Variants in CUL3 observed in about 807,000 individuals in gnomAD.
CUL3 encodes the protein cullin-3.
In CUL3, 19 loss-of-function variants were observed where a neutral mutation model predicts 89.1. The ratio of observed to expected loss-of-function variants is 0.21; its 90% confidence interval spans 0.15 to 0.31. The LOEUF is 0.31. Ranked by LOEUF, CUL3 falls within the 10% of genes least tolerant of loss-of-function variation. CUL3 has a pLI of 1.00. For missense variants in CUL3, 469 were observed against 942.3 expected (o/e 0.50, Z 6.58); for synonymous variants, 351 against 308.4 (o/e 1.14, Z -1.45).
intron 8 of CUL3, among the ~76,000 whole-genome samples, chr2:224,505,082 CCTAA>C (rs987684412): frequency 7.2e-5 from 11 of 151,742 alleles, no homozygotes; most frequent in Non-Finnish European, 1.0e-4. Context: ...CTTCAGCATG[CCTAA>C]CTCTCAGTCA....
chr2:224,563,000 T>C (rs949563095), intron 1 of CUL3: 3 of 218,300 alleles, frequency 1.4e-5, no homozygotes, highest in African/African-American at 7.1e-5. Context: ...GTCAGTAGAT[T>C]TAACACAGCC....
chr2:224,525,847 G>A (rs932210033), intron 3 of CUL3, among the ~76,000 whole-genome samples: 5 of 152,148 alleles, frequency 3.3e-5, no homozygotes, highest in Non-Finnish European at 7.4e-5. Context: ...ACATCTAGCT[G>A]TTCACTTTCA....
chr2:224,555,633 T>C (rs573751127), intron 2 of CUL3, among the ~76,000 whole-genome samples: 32 of 152,302 alleles, frequency 2.1e-4, no homozygotes, highest in Admixed American at 4.6e-4. Flanking sequence ...CCTGTAATTA[T>C]TATATGCCTC....
In CUL3 at chr2:224,478,136, A is replaced by G. The variant is rs563055963; in HGVS notation, c.2175+64T>C. The G allele has an allele frequency of 5.5e-6, 8 of 1,457,128 alleles. No homozygotes were observed. In the African/African-American group the frequency reaches 5.7e-5, roughly 10 times the overall value. The allele number at this position is 1,457,128 out of a possible 1,614,324, so 90.3% of individuals were successfully genotyped here. On this transcript the variant is annotated intron_variant, in intron 15 of 15. Coordinates refer to ENST00000264414, the MANE Select transcript of CUL3 (RefSeq NM_003590.5). Reference sequence around the variant, plus strand: ...AAATTGTTTTTAAAATTAGTTGAATACAATAATTTTGTTAATAATGTTACT... The same window carrying G: ...AAATTGTTTTTAAAATTAGTTGAATGCAATAATTTTGTTAATAATGTTACT...
At chr2:224,559,452 CAAAA>C (rs34898102) in intron 1 of CUL3, among the ~76,000 whole-genome samples, 1 of 67,500 alleles carries the variant, frequency 1.5e-5, no homozygotes. Context: ...GATTGTGTCT[CAAAA>C]AAAAAAAAAA....
At chr2:224,523,511 T>C (rs1449379798) in intron 3 of CUL3, among the ~76,000 whole-genome samples, 1 of 152,150 alleles carries the variant, frequency 6.6e-6, no homozygotes, top group Non-Finnish European at 1.5e-5. Flanking sequence ...AATATAGCAG[T>C]TCCTCAAAAA....
intron 1 of CUL3, chr2:224,563,130 T>C (rs373881117): frequency 1.5e-5 from 6 of 397,380 alleles, no homozygotes; most frequent in African/African-American, 1.3e-4. Flanking sequence ...TTTTCAAGCT[T>C]AGCAAATATA....
At chr2:224,573,090 G>A (rs1217956704) in intron 1 of CUL3, among the ~76,000 whole-genome samples, 1 of 152,108 alleles carries the variant, frequency 6.6e-6, no homozygotes, top group Non-Finnish European at 1.5e-5. Flanking sequence ...TTTCTTTCAT[G>A]TTGCATTTGC....
intron 10 of CUL3, 125 bp from the exon 11 acceptor site, chr2:224,500,612 A>G: frequency 1.1e-6 from 1 of 894,904 alleles, no homozygotes; most frequent in Non-Finnish European, 1.6e-6. Context: ...TTTAAAAAAA[A>G]GCAGATTTTC....
chr2:224,572,481 A>G (rs1363192643), intron 1 of CUL3, among the ~76,000 whole-genome samples: 1 of 133,862 alleles, frequency 7.5e-6, no homozygotes, highest in Non-Finnish European at 1.6e-5. Context: ...CCTGTCTCTT[A>G]AAAAAAAAAA....
intron 8 of CUL3, 38 bp from the exon 9 acceptor site, chr2:224,503,860 A>G (rs1692489748): frequency 6.9e-7 from 1 of 1,458,614 alleles, no homozygotes; most frequent in Non-Finnish European, 9.1e-7. Context: ...ATACAATTTT[A>G]GTTCTACAAA....
chr2:224,524,476 A>G (rs1012752326), intron 3 of CUL3, among the ~76,000 whole-genome samples: 2 of 152,230 alleles, frequency 1.3e-5, no homozygotes, highest in South Asian at 2.1e-4. Flanking sequence ...CTGAAGAGAC[A>G]ACTGTTAGAA....
At chr2:224,584,886 G>C (rs530066184) in intron 1 of CUL3, 58 bp downstream of exon 1, 25 of 1,340,832 alleles carry the variant, frequency 1.9e-5, no homozygotes, top group Non-Finnish European at 2.5e-5. Flanking sequence ...CGGGCCTCGC[G>C]TGCGGCTCTC....
intron 2 of CUL3, among the ~76,000 whole-genome samples, chr2:224,555,998 G>A (rs1199995953): frequency 6.6e-6 from 1 of 152,108 alleles, no homozygotes; most frequent in South Asian, 2.1e-4. Flanking sequence ...ACTGAAAGCT[G>A]TGCATAATAG....
rs958837720 is a variant in CUL3 at position 224,472,645 on chromosome 2, A to G, written c.*1600T>C. 1.1e-5 allele frequency: 2 copies of G among 190,448 alleles called. No individual in the cohort carries two copies. The highest frequency in any genetic ancestry group is 4.7e-5 in the African/African-American group (2 of 42,912). The allele number at this position is 190,448 out of a possible 1,614,324, so 11.8% of individuals were successfully genotyped here. A position where few individuals can be genotyped will look rare whatever the true frequency, so the allele number is the denominator to read the frequency against. On this transcript the variant is annotated 3_prime_UTR_variant, in exon 16 of 16. Transcript: ENST00000264414. ...TGTAGAAGTGGAAAATGTAGAGATA[A>G]AGAGCACAAGGCTTGTAATTCTACA...
intron 2 of CUL3, among the ~76,000 whole-genome samples, chr2:224,550,841 CTAACT>C: frequency 6.6e-6 from 1 of 152,272 alleles, no homozygotes; most frequent in East Asian, 1.9e-4. Context: ...CTTATGCTCT[CTAACT>C]TATTTATCTT....
chr2:224,511,623 A>AAAGAGTG, intron 5 of CUL3, 41 bp from the exon 6 acceptor site: 1 of 1,206,126 alleles, frequency 8.3e-7, no homozygotes. Flanking sequence ...ACATAGAAGA[A>AAAGAGTG]AAGAGTGTTT....
intron 10 of CUL3, 110 bp from the exon 11 acceptor site, chr2:224,500,597 T>A: frequency 5.7e-6 from 5 of 879,512 alleles, no homozygotes; most frequent in East Asian, 2.9e-5. Flanking sequence ...ATGTCTAATA[T>A]CTAATTTAAA....
intron 12 of CUL3, among the ~76,000 whole-genome samples, chr2:224,496,964 G>A (rs531496817): frequency 2.2e-4 from 33 of 152,028 alleles, no homozygotes; most frequent in African/African-American, 5.8e-4. Flanking sequence ...AATATGTGTC[G>A]AATATTATTT....
Sources: gnomAD v4.1 joint callset for allele counts (sites outside exome capture counted in the v4.1 genomes callset) on GRCh38, gnomAD v4.1.1 for gene constraint, MANE v1.5 for transcripts, NCBI Gene and HGNC (gene_info 2026-07-23, HGNC 2026-07-21) for gene names.